The following STXBP5L variants were observed in gnomAD, a reference collection of about 807,000 sequenced individuals.
STXBP5L encodes the protein syntaxin-binding protein 5-like.
STXBP5L carries 65 observed loss-of-function variants against 144.5 expected under a neutral mutation model. The observed-to-expected ratio is 0.45, with a 90% CI of 0.37 to 0.55. STXBP5L has a LOEUF of 0.55. Ranked by LOEUF, STXBP5L falls within the 20% of genes least tolerant of loss-of-function variation. The pLI, the probability that STXBP5L is intolerant of heterozygous loss-of-function variation, is 0.00. For synonymous variants in STXBP5L, 505 were observed against 469.6 expected (o/e 1.08, Z -0.97); for missense variants, 1,298 against 1,405.5 (o/e 0.92, Z 1.22).
chr3:120,910,870 T>A (rs1369207640), intron 2 of STXBP5L, among the ~76,000 whole-genome samples: 1 of 152,180 alleles, frequency 6.6e-6, no homozygotes, highest in East Asian at 1.9e-4. Context: ...TAAACAGATT[T>A]AATTCTAAGC....
intron 25 of STXBP5L, 122 bp downstream of exon 25, chr3:121,416,090 A>G: frequency 1.4e-6 from 1 of 713,834 alleles, no homozygotes; most frequent in Non-Finnish European, 2.3e-6. Context: ...TATTTTTTGC[A>G]TCTATCTTAA....
At chr3:121,229,300 T>G (rs1016398581) in intron 11 of STXBP5L, among the ~76,000 whole-genome samples, 1 of 152,194 alleles carries the variant, frequency 6.6e-6, no homozygotes, top group African/African-American at 2.4e-5. Flanking sequence ...ATTTCCTTCC[T>G]AAATCCACAT....
intron 19 of STXBP5L, among the ~76,000 whole-genome samples, chr3:121,301,501 T>C (rs535807147): frequency 6.6e-6 from 1 of 152,140 alleles, no homozygotes. Flanking sequence ...ACAGGGGCAA[T>C]TTGACTTCCT....
At chr3:121,260,760 G>A (rs970111844) in intron 18 of STXBP5L, among the ~76,000 whole-genome samples, 1 of 151,970 alleles carries the variant, frequency 6.6e-6, no homozygotes, top group African/African-American at 2.4e-5. Context: ...AGTCTTATAA[G>A]CTCCAAGAGA....
At chr3:120,960,223 C>T (rs1938597138) in intron 3 of STXBP5L, among the ~76,000 whole-genome samples, 1 of 152,164 alleles carries the variant, frequency 6.6e-6, no homozygotes, top group African/African-American at 2.4e-5. Flanking sequence ...CATCTCATGC[C>T]AGTTAGAATG....
At chr3:121,147,101 CAACTT>C (rs1559796622) in intron 7 of STXBP5L, among the ~76,000 whole-genome samples, 1 of 151,990 alleles carries the variant, frequency 6.6e-6, no homozygotes, top group East Asian at 1.9e-4. Context: ...ACATGATTAA[CAACTT>C]AACCAAGTTG....
intron 21 of STXBP5L, among the ~76,000 whole-genome samples, chr3:121,379,896 A>C (rs1487747070): frequency 2.0e-5 from 3 of 152,160 alleles, no homozygotes; most frequent in African/African-American, 4.8e-5. Flanking sequence ...TTACAGTGGC[A>C]TAATCATAGT....
intron 3 of STXBP5L, among the ~76,000 whole-genome samples, chr3:121,007,899 A>C (rs1320036445): frequency 6.6e-6 from 1 of 152,078 alleles, no homozygotes; most frequent in Non-Finnish European, 1.5e-5. Context: ...GTAAACTAAT[A>C]CTTACAGGTG....
chr3:120,974,725 T>A (rs1369785535), intron 3 of STXBP5L, among the ~76,000 whole-genome samples: 3 of 152,138 alleles, frequency 2.0e-5, no homozygotes, highest in African/African-American at 4.8e-5. Context: ...TTGTATAAGG[T>A]GTAAGGAAGA....
intron 7 of STXBP5L, among the ~76,000 whole-genome samples, chr3:121,128,366 A>T (rs1419720401): frequency 6.6e-6 from 1 of 152,100 alleles, no homozygotes; most frequent in Non-Finnish European, 1.5e-5. Context: ...AGGGGATGAT[A>T]ATGTTAAAAT....
At chr3:121,122,471 T>A (rs2044511472) in intron 7 of STXBP5L, among the ~76,000 whole-genome samples, 1 of 151,304 alleles carries the variant, frequency 6.6e-6, no homozygotes, top group Non-Finnish European at 1.5e-5. Context: ...TGTATACGAA[T>A]AGCCATGACA....
chr3:121,332,054 A>G (rs2044337188), intron 20 of STXBP5L, among the ~76,000 whole-genome samples: 1 of 145,876 alleles, frequency 6.9e-6, no homozygotes, highest in African/African-American at 2.5e-5. Context: ...CATTAAAGTC[A>G]CAACTTTAAG....
At chr3:121,056,879 G>C (rs1339033373) in intron 5 of STXBP5L, among the ~76,000 whole-genome samples, 1 of 150,908 alleles carries the variant, frequency 6.6e-6, no homozygotes, top group African/African-American at 2.4e-5. Context: ...TATATAGAGA[G>C]AATATCATAT....
At chr3:120,962,510 C>G (rs1938970611) in intron 3 of STXBP5L, among the ~76,000 whole-genome samples, 1 of 151,682 alleles carries the variant, frequency 6.6e-6, no homozygotes, top group Non-Finnish European at 1.5e-5. Flanking sequence ...GCCAGTTTTC[C>G]CAGCATCATT....
chr3:121,039,076 G>T (rs942947203), intron 3 of STXBP5L, among the ~76,000 whole-genome samples: 1 of 151,666 alleles, frequency 6.6e-6, no homozygotes, highest in South Asian at 2.1e-4. Context: ...TTTTAAATGG[G>T]GTGTTTACAC....
At position 121,211,578 on chromosome 3, in the gene STXBP5L, C is replaced by CTTT. The variant is rs1188424283; in HGVS notation, c.956+5594_956+5596dup. Among the ~76,000 whole-genome samples, 214 of 110,248 alleles carry CTTT rather than the reference C, an allele frequency of 1.9e-3. 4 individuals carry two copies. The highest frequency in any genetic ancestry group is 4.1e-3 in the African/African-American group (116 of 28,404). The allele number at this position is 110,248 out of a possible 152,430, so 72.3% of individuals were successfully genotyped here. ...TCTTATTTCCTGACTTTTTTTCTTT[C>CTTT]TTTTTTTTTTTTTTTTTTTGAGACA... On this transcript the variant is annotated intron_variant, in intron 10 of 26. Coordinates refer to ENST00000471454, the MANE Select transcript of STXBP5L (RefSeq NM_001308330.2).
At chr3:121,135,017 C>T (rs2045180788) in intron 7 of STXBP5L, among the ~76,000 whole-genome samples, 1 of 152,170 alleles carries the variant, frequency 6.6e-6, no homozygotes, top group Admixed American at 6.5e-5. Flanking sequence ...TTAACAGTCC[C>T]ACCAACAGTG....
chr3:121,274,917 G>A (rs1346013448), intron 18 of STXBP5L, among the ~76,000 whole-genome samples: 1 of 152,152 alleles, frequency 6.6e-6, no homozygotes, highest in Admixed American at 6.5e-5. Context: ...AAGCCCCAGT[G>A]AAAGTAGGTA....
At chr3:120,929,814 A>G (rs1378678693) in intron 2 of STXBP5L, among the ~76,000 whole-genome samples, 1 of 151,974 alleles carries the variant, frequency 6.6e-6, no homozygotes, top group African/African-American at 2.4e-5. Flanking sequence ...CACTTTTGTA[A>G]TTATTTAATT....
Sources: allele counts gnomAD v4.1 joint callset (sites outside exome capture counted in the v4.1 genomes callset), GRCh38; gene constraint gnomAD v4.1.1; transcripts MANE v1.5; gene names NCBI Gene and HGNC (gene_info 2026-07-23, HGNC 2026-07-21).